Variants in SPMIP11 observed in about 807,000 individuals in gnomAD.
SPMIP11 encodes the protein long intergenic non-protein coding RNA 935.
At chr12:48,734,533 G>A in the SPMIP11 span, among the ~76,000 whole-genome samples, 1 of 152,250 alleles carries the variant, frequency 6.6e-6, no homozygotes, top group African/African-American at 2.4e-5. Flanking sequence ...TTAGGTTCAA[G>A]ATAGGCAGAA....
the SPMIP11 span, among the ~76,000 whole-genome samples, chr12:48,763,906 G>A: frequency 9.9e-5 from 15 of 151,738 alleles, no homozygotes; most frequent in Non-Finnish European, 1.9e-4. Context: ...TCAAACTTCT[G>A]ACCTCAAGTA....
the SPMIP11 span, among the ~76,000 whole-genome samples, chr12:48,762,212 C>A: frequency 6.0e-5 from 9 of 150,486 alleles, no homozygotes; most frequent in Non-Finnish European, 1.2e-4. Context: ...GCGCCTGCCA[C>A]CATGCCCGGC....
At chr12:48,756,729 C>T in the SPMIP11 span, among the ~76,000 whole-genome samples, 3 of 151,172 alleles carry the variant, frequency 2.0e-5, no homozygotes, top group South Asian at 2.1e-4. Context: ...AATACAGAAT[C>T]GAGGCACTGA....
chr12:48,748,600 A>G, the SPMIP11 span, among the ~76,000 whole-genome samples: 1 of 151,780 alleles, frequency 6.6e-6, no homozygotes, highest in Non-Finnish European at 1.5e-5. Flanking sequence ...ATCGCTGCCC[A>G]GAAGTCAAAC....
At chr12:48,756,774 T>TC in the SPMIP11 span, among the ~76,000 whole-genome samples, 213 of 76,300 alleles carry the variant, frequency 2.8e-3, 20 homozygotes, top group Non-Finnish European at 6.4e-3. Flanking sequence ...TTTTTTTCTT[T>TC]TTTTCTTTTT....
chr12:48,751,474 C>T, the SPMIP11 span, among the ~76,000 whole-genome samples: 175 of 152,060 alleles, frequency 1.2e-3, no homozygotes, highest in Middle Eastern at 0.014. Context: ...GGTGTATTGG[C>T]GCATGCCTGT....
At chr12:48,742,973 G>T in the SPMIP11 span, among the ~76,000 whole-genome samples, 11 of 152,286 alleles carry the variant, frequency 7.2e-5, no homozygotes, top group African/African-American at 2.6e-4. Flanking sequence ...ATTTGTCTGG[G>T]TGTAGTGGCT....
the SPMIP11 span, among the ~76,000 whole-genome samples, chr12:48,729,491 G>A: frequency 6.6e-6 from 1 of 151,518 alleles, no homozygotes; most frequent in Non-Finnish European, 1.5e-5. Context: ...CTGAGATTGA[G>A]CCACTGCACT....
the SPMIP11 span, among the ~76,000 whole-genome samples, chr12:48,740,233 C>T: frequency 6.6e-6 from 1 of 152,152 alleles, no homozygotes; most frequent in Non-Finnish European, 1.5e-5. Flanking sequence ...TTTCTCTACA[C>T]CCTTTACCCA....
chr12:48,734,408 G>C, the SPMIP11 span, among the ~76,000 whole-genome samples: 2 of 152,154 alleles, frequency 1.3e-5, no homozygotes, highest in African/African-American at 4.8e-5. Flanking sequence ...ACTGTGCCCA[G>C]CTTCATTCTG....
At chr12:48,733,367 G>T in the SPMIP11 span, among the ~76,000 whole-genome samples, 1 of 152,002 alleles carries the variant, frequency 6.6e-6, no homozygotes, top group Admixed American at 6.6e-5. Flanking sequence ...GAGCCACCAA[G>T]CCCAGCTCAC....
the SPMIP11 span, among the ~76,000 whole-genome samples, chr12:48,756,582 A>AT: frequency 3.9e-5 from 6 of 152,186 alleles, no homozygotes; most frequent in Non-Finnish European, 8.8e-5. Context: ...TAGAAGTGGC[A>AT]TCTCCGCACT....
chr12:48,754,276 AT>A, the SPMIP11 span, among the ~76,000 whole-genome samples: 2 of 152,046 alleles, frequency 1.3e-5, no homozygotes, highest in East Asian at 3.9e-4. Flanking sequence ...ATGGTGGCAC[AT>A]GCCTGTAGTC....
the SPMIP11 span, among the ~76,000 whole-genome samples, chr12:48,758,121 T>C: frequency 2.0e-4 from 31 of 152,228 alleles, no homozygotes; most frequent in Admixed American, 5.2e-4. Context: ...TGAGCTACGA[T>C]TGCACCACTG....
chr12:48,735,885 A>AAATAAT, the SPMIP11 span, among the ~76,000 whole-genome samples: 1 of 152,030 alleles, frequency 6.6e-6, no homozygotes, highest in African/African-American at 2.4e-5. Flanking sequence ...CTCCCTCTCA[A>AAATAAT]AATAATAATA....
chr12:48,758,507 CA>C, the SPMIP11 span, among the ~76,000 whole-genome samples: 1 of 152,192 alleles, frequency 6.6e-6, no homozygotes, highest in Non-Finnish European at 1.5e-5. Flanking sequence ...TTGGCCTAGC[CA>C]AAATTCTTTG....
the SPMIP11 span, among the ~76,000 whole-genome samples, chr12:48,757,613 T>C: frequency 1.5e-4 from 22 of 149,870 alleles, no homozygotes; most frequent in African/African-American, 5.4e-4. Flanking sequence ...ACCACTGCAC[T>C]GCAGCCTGGG....
At chr12:48,756,322 T>A in the SPMIP11 span, among the ~76,000 whole-genome samples, 3 of 152,146 alleles carry the variant, frequency 2.0e-5, no homozygotes, top group Non-Finnish European at 2.9e-5. Context: ...AGCCCCATGG[T>A]TCAGTCCAGG....
At chr12:48,743,108 A>G in the SPMIP11 span, among the ~76,000 whole-genome samples, 5 of 151,704 alleles carry the variant, frequency 3.3e-5, no homozygotes, top group African/African-American at 1.2e-4. Context: ...CTAAAAATAC[A>G]AAAATAAGGC....
Sources: allele counts gnomAD v4.1 joint callset (sites outside exome capture counted in the v4.1 genomes callset), GRCh38; gene constraint gnomAD v4.1.1; transcripts MANE v1.5; gene names NCBI Gene and HGNC (gene_info 2026-07-23, HGNC 2026-07-21).